Variants in VAT1L observed in about 807,000 individuals in gnomAD.
VAT1L encodes the protein putative NADPH-dependent quinone oxidoreductase VAT1L.
VAT1L carries 34 observed loss-of-function variants against 44.1 expected under a neutral mutation model. The observed-to-expected ratio is 0.77, with a 90% CI of 0.59 to 1.03. The LOEUF (loss-of-function observed/expected upper bound fraction) is 1.03. Ranked by LOEUF, VAT1L falls within the 50% of genes least tolerant of loss-of-function variation. The pLI, the probability that VAT1L is intolerant of heterozygous loss-of-function variation, is 0.00. For missense variants in VAT1L, 615 were observed against 538.8 expected, an observed-to-expected ratio of 1.14 and a Z score of -1.40; for synonymous variants, 253 against 202.2, an observed-to-expected ratio of 1.25 and a Z score of -2.13.
rs117117926 is a variant in VAT1L, at chr16:77,962,109, T to C, written c.1078-9741T>C. On this transcript the variant is annotated intron_variant, in intron 7 of 8. Coordinates refer to ENST00000302536, the MANE Select transcript of VAT1L (RefSeq NM_020927.3). ...CCTGCCAGTCATGCCACGTAATCAC[T>C]GTGTCCTGTAGCCAGACCCACCCCT... is the stretch of plus-strand genomic sequence containing the variant. Among the ~76,000 whole-genome samples the C allele has an allele frequency of 9.5e-3, 1,446 of 152,208 alleles. 7 individuals carry two copies. Among genetic ancestry groups the C allele is most frequent in the Non-Finnish European group, 0.015 (996 of 68,014 alleles).
At chr16:77,951,438 C>T (rs573713581) in intron 7 of VAT1L, among the ~76,000 whole-genome samples, 3 of 151,976 alleles carry the variant, frequency 2.0e-5, no homozygotes, top group East Asian at 3.9e-4. Flanking sequence ...CCCAGCTACT[C>T]GGGAGGCTGA....
intron 7 of VAT1L, among the ~76,000 whole-genome samples, chr16:77,906,753 G>T (rs983726780): frequency 2.0e-5 from 3 of 152,202 alleles, no homozygotes; most frequent in African/African-American, 7.2e-5. Flanking sequence ...GGTTGTGCAT[G>T]TGAGTGGGCT....
Position 77,878,894 on chromosome 16 carries a change from G to A in VAT1L, c.827-275G>A, listed in dbSNP as rs369113820. On this transcript the variant is annotated intron_variant, in intron 5 of 8. Coordinates refer to ENST00000302536, the MANE Select transcript of VAT1L (RefSeq NM_020927.3). ...CAGCAACTCATCATTTTATTCAAAC[G>A]TTGGCCTACATCATATTTTTGCTAT... is the stretch of plus-strand genomic sequence containing the variant. Among the ~76,000 whole-genome samples, 9 of 152,226 alleles carry A rather than the reference G, an allele frequency of 5.9e-5. 1 individual carries two copies. The East Asian group carries it at 7.7e-4, about 13-fold the overall frequency.
intron 1 of VAT1L, among the ~76,000 whole-genome samples, chr16:77,807,678 G>A (rs1355599822): frequency 6.6e-6 from 1 of 152,284 alleles, no homozygotes; most frequent in East Asian, 1.9e-4. Context: ...AGTGATGACA[G>A]TGATTCGGAT....
At chr16:77,942,495 T>C (rs1338793274) in intron 7 of VAT1L, among the ~76,000 whole-genome samples, 1 of 152,178 alleles carries the variant, frequency 6.6e-6, no homozygotes, top group Non-Finnish European at 1.5e-5. Context: ...TTTGAATATA[T>C]ACACAGTAAT....
intron 3 of VAT1L, among the ~76,000 whole-genome samples, chr16:77,844,533 C>A (rs2145262561): frequency 6.6e-6 from 1 of 152,226 alleles, no homozygotes; most frequent in East Asian, 1.9e-4. Context: ...CTTAGCCTCC[C>A]AAGTAGGTGG....
chr16:77,938,909 T>A, intron 7 of VAT1L, among the ~76,000 whole-genome samples: 1 of 152,102 alleles, frequency 6.6e-6, no homozygotes, highest in East Asian at 1.9e-4. Flanking sequence ...AAGAGGCAGA[T>A]AAAAGGGGAA....
At chr16:77,861,676 G>T (rs1011234459) in intron 3 of VAT1L, among the ~76,000 whole-genome samples, 19 of 152,206 alleles carry the variant, frequency 1.2e-4, no homozygotes, top group African/African-American at 4.1e-4. Flanking sequence ...CATGCCGAAG[G>T]TTGCTTAGGA....
At chr16:77,801,517 C>T (rs1304911982) in intron 1 of VAT1L, 1 of 152,126 alleles carries the variant, frequency 6.6e-6, no homozygotes, top group East Asian at 1.9e-4. Flanking sequence ...TGTTATTGTT[C>T]CCAGAATACA....
chr16:77,793,458 C>A (rs2015871839), intron 1 of VAT1L, among the ~76,000 whole-genome samples: 1 of 152,204 alleles, frequency 6.6e-6, no homozygotes, highest in Non-Finnish European at 1.5e-5. Context: ...TCGCCCCTAA[C>A]TGATACAAGT....
intron 4 of VAT1L, among the ~76,000 whole-genome samples, chr16:77,863,661 A>T (rs1448393765): frequency 1.3e-5 from 2 of 152,220 alleles, no homozygotes; most frequent in Non-Finnish European, 2.9e-5. Flanking sequence ...TGAGGAATGC[A>T]AGAGCCTCAG....
chr16:77,823,532 TAGAC>T (rs1193437557), intron 2 of VAT1L, among the ~76,000 whole-genome samples: 2 of 152,206 alleles, frequency 1.3e-5, no homozygotes, highest in African/African-American at 4.8e-5. Context: ...TATTTGGAAT[TAGAC>T]AGGCTTCACT....
At chr16:77,847,919 T>G (rs2016773118) in intron 3 of VAT1L, among the ~76,000 whole-genome samples, 1 of 152,216 alleles carries the variant, frequency 6.6e-6, no homozygotes, top group Non-Finnish European at 1.5e-5. Context: ...GATGTTCAAG[T>G]GGAAGGAGAT....
At chr16:77,811,392 C>T (rs537631468) in intron 1 of VAT1L, among the ~76,000 whole-genome samples, 1 of 152,078 alleles carries the variant, frequency 6.6e-6, no homozygotes, top group East Asian at 1.9e-4. Flanking sequence ...TCAAATGTGT[C>T]TTCATTTGAT....
intron 7 of VAT1L, among the ~76,000 whole-genome samples, chr16:77,921,940 G>T (rs1248948395): frequency 6.6e-6 from 1 of 151,928 alleles, no homozygotes; most frequent in Non-Finnish European, 1.5e-5. Flanking sequence ...TGGTGACAGG[G>T]TCTCACTATG....
intron 7 of VAT1L, among the ~76,000 whole-genome samples, chr16:77,950,963 C>T (rs1453842945): frequency 2.0e-5 from 3 of 152,146 alleles, no homozygotes; most frequent in African/African-American, 7.2e-5. Flanking sequence ...ATTACTGGAT[C>T]TAGGCATTAA....
chr16:77,817,246 C>A (rs1338597300), intron 2 of VAT1L, among the ~76,000 whole-genome samples, 196 bp downstream of exon 2: 1 of 152,152 alleles, frequency 6.6e-6, no homozygotes, highest in Non-Finnish European at 1.5e-5. Context: ...TTGCTCCTGG[C>A]AGCATTCTGG....
intron 3 of VAT1L, among the ~76,000 whole-genome samples, chr16:77,826,971 C>A (rs1035328477): frequency 6.6e-5 from 10 of 152,288 alleles, no homozygotes; most frequent in African/African-American, 2.4e-4. Flanking sequence ...CTTTCTGTAA[C>A]TATTAAAACT....
intron 7 of VAT1L, among the ~76,000 whole-genome samples, chr16:77,955,728 C>CA (rs373457974): frequency 0.12 from 12,270 of 99,880 alleles, 687 homozygotes; most frequent in Middle Eastern, 0.16. Flanking sequence ...ATCCCCCCCC[C>CA]CAAAAAAAAA....
Sources: allele counts gnomAD v4.1 joint callset (sites outside exome capture counted in the v4.1 genomes callset), GRCh38; gene constraint gnomAD v4.1.1; transcripts MANE v1.5; gene names NCBI Gene and HGNC (gene_info 2026-07-23, HGNC 2026-07-21).